Variants in DSC2 observed in about 807,000 individuals in gnomAD.
The protein encoded by DSC2 is desmocollin 2.
DSC2 carries 51 observed loss-of-function variants against 87.6 expected under a neutral mutation model. That is an observed-to-expected ratio of 0.58 (90% CI 0.46 to 0.74). DSC2 has a LOEUF of 0.74. DSC2 is among the 30% of genes least tolerant of loss of function. The pLI is 0.00. For missense variants in DSC2, 1,066 were observed against 1,089.5 expected (o/e 0.98, Z 0.30); for synonymous variants, 383 against 393.2 (o/e 0.97, Z 0.31).
intron 11 of DSC2, among the ~76,000 whole-genome samples, chr18:31,076,800 A>C (rs1987032046): frequency 6.6e-6 from 1 of 152,222 alleles, no homozygotes; most frequent in South Asian, 2.1e-4. Context: ...ACATTGTACT[A>C]ACACTGTAGA....
chr18:31,082,495 T>C lies in DSC2; in HGVS notation c.1078-72A>G, dbSNP rs943033618. ...AAAATTGAACACGATGTGAAGTAAA[T>C]CCTACTCTTCTAATTTCCAAAGTAC... On this transcript the variant is annotated intron_variant, in intron 8 of 15. Coordinates refer to ENST00000280904, the MANE Select transcript of DSC2 (RefSeq NM_024422.6). 157 of 1,330,566 alleles carry C rather than the reference T, an allele frequency of 1.2e-4. 5 individuals carry two copies. In the Admixed American group the frequency reaches 2.7e-3, roughly 23 times the overall value. The allele number at this position is 1,330,566 out of a possible 1,614,324, so 82.4% of individuals were successfully genotyped here. A position where few individuals can be genotyped will look rare whatever the true frequency, so the allele number is the denominator to read the frequency against.
chr18:31,092,305 A>G lies in DSC2; in HGVS notation c.155-5T>C. ...TAAAGCACTCTTTCAGGTTAACTGTAGAAAATATGCACAGCAATCATTTTT... is the reference window on the plus strand; with the variant it reads ...TAAAGCACTCTTTCAGGTTAACTGTGGAAAATATGCACAGCAATCATTTTT... On this transcript the variant is annotated splice_polypyrimidine_tract_variant and splice_region_variant and intron_variant, in intron 2 of 15. Coordinates refer to ENST00000280904, the MANE Select transcript of DSC2 (RefSeq NM_024422.6). 1 of 1,611,240 alleles carries G rather than the reference A, an allele frequency of 6.2e-7. No individual in the cohort carries two copies. The highest frequency in any genetic ancestry group is 8.5e-7 in the Non-Finnish European group (1 of 1,177,540).
intron 1 of DSC2, among the ~76,000 whole-genome samples, chr18:31,097,920 T>G (rs928440834): frequency 1.3e-5 from 2 of 148,952 alleles, no homozygotes; most frequent in Non-Finnish European, 2.9e-5. Flanking sequence ...ATGAGTGAGG[T>G]TGACATATTT....
At chr18:31,083,568 G>T (rs1023692193) in intron 7 of DSC2, among the ~76,000 whole-genome samples, 1 of 152,058 alleles carries the variant, frequency 6.6e-6, no homozygotes, top group African/African-American at 2.4e-5. Context: ...AGACAGCAAT[G>T]ACTCTTAAAA....
At position 31,084,396 on chromosome 18, in the gene DSC2, T is replaced by C. The variant is rs185032488; in HGVS notation, c.943-1336A>G. Among the ~76,000 whole-genome samples the C allele has an allele frequency of 5.1e-3, 780 of 152,260 alleles. 7 individuals carry two copies. The highest frequency in any genetic ancestry group is 0.018 in the African/African-American group (748 of 41,566). On this transcript the variant is annotated intron_variant, in intron 7 of 15. Coordinates refer to ENST00000280904, the MANE Select transcript of DSC2 (RefSeq NM_024422.6). ...TTATTGGAAATAATTAACTGGCTAA[T>C]GAAACAAGGAAATGAAGTTTGATAC...
chr18:31,071,531 T>C, intron 13 of DSC2, 74 bp downstream of exon 13: 2 of 1,431,520 alleles, frequency 1.4e-6, no homozygotes, highest in Non-Finnish European at 2.0e-6. Context: ...GGGCTCTGTC[T>C]CAAAAAACAA....
In DSC2 at chr18:31,062,321, T is replaced by G. The variant is rs1283675824; in HGVS notation, c.*5694A>C. 1 of 152,152 alleles carries G rather than the reference T, an allele frequency of 6.6e-6. No homozygotes were observed. Among genetic ancestry groups the G allele is most frequent in the Admixed American group, 6.6e-5 (1 of 15,262 alleles). 9.4% of individuals were successfully genotyped at this position (152,152 alleles called of 1,614,324 possible). A position where few individuals can be genotyped will look rare whatever the true frequency, so the allele number is the denominator to read the frequency against. Reference sequence around the variant, plus strand: ...ACTAATGGGAATTTTGGCAAACTCATAAGAATCATTTCTTGAATTTCTAAA... The same window carrying G: ...ACTAATGGGAATTTTGGCAAACTCAGAAGAATCATTTCTTGAATTTCTAAA... On this transcript the variant is annotated 3_prime_UTR_variant, in exon 16 of 16. Coordinates refer to ENST00000280904, the MANE Select transcript of DSC2 (RefSeq NM_024422.6).
Position 31,102,007 on chromosome 18 carries a change from G to T in DSC2, c.-36C>A. 1 of 1,471,698 alleles carries T rather than the reference G, an allele frequency of 6.8e-7. No homozygotes were observed. 91.2% of individuals were successfully genotyped at this position (1,471,698 alleles called of 1,614,324 possible). ...CGGGGCAGGTCGCGGGCCGAGCGTC[G>T]GGCCGGGGTAGGAGGGCTCCGCGGG... On this transcript the variant is annotated 5_prime_UTR_variant, in exon 1 of 16. Coordinates refer to ENST00000280904, the MANE Select transcript of DSC2 (RefSeq NM_024422.6).
chr18:31,093,637 T>A lies in DSC2; in HGVS notation c.76A>T (p.Ile26Leu), dbSNP rs1362597154. Residue 26 changes from isoleucine to leucine, a missense_variant, in exon 2 of 16, where the codon ATA (isoleucine) becomes TTA (leucine). Physicochemically the swap from Ile to Leu is conservative, Grantham distance 5 (BLOSUM62 2). Coordinates refer to ENST00000280904, the MANE Select transcript of DSC2 (RefSeq NM_024422.6). ...RLLLLTLAIL[I>L]FASDACKNVT... ...TTTTTGCAGGCATCACTGGCAAATA[T>A]TAAGATCTAAAAAATGAAAAAAAAT... The A allele has an allele frequency of 1.9e-6, 3 of 1,584,802 alleles. No individual in the cohort carries two copies. Among genetic ancestry groups the A allele is most frequent in the Non-Finnish European group, 2.6e-6 (3 of 1,161,896 alleles).
intron 7 of DSC2, among the ~76,000 whole-genome samples, chr18:31,085,685 T>C (rs921198101): frequency 3.3e-5 from 5 of 151,848 alleles, no homozygotes; most frequent in Admixed American, 2.0e-4. Context: ...CCATGAGGGA[T>C]AGAGGAAGGA....
At chr18:31,091,319 T>C (rs1056071972) in intron 3 of DSC2, among the ~76,000 whole-genome samples, 172 bp from the exon 4 acceptor site, 3 of 152,036 alleles carry the variant, frequency 2.0e-5, no homozygotes, top group African/African-American at 7.2e-5. Context: ...AATGAAGAAG[T>C]AACTGTCCTA....
intron 12 of DSC2, among the ~76,000 whole-genome samples, chr18:31,073,161 T>A (rs1986888231): frequency 6.6e-6 from 1 of 152,134 alleles, no homozygotes. Flanking sequence ...AAGTACATCT[T>A]TAAAATAACA....
At chr18:31,079,753 A>C (rs1987140738) in intron 11 of DSC2, 94 bp downstream of exon 11, 2 of 1,430,358 alleles carry the variant, frequency 1.4e-6, no homozygotes, top group Non-Finnish European at 2.0e-6. Flanking sequence ...AACAGAGTGC[A>C]TGTATCCAGC....
At chr18:31,086,251 G>A (rs1397124669) in intron 7 of DSC2, among the ~76,000 whole-genome samples, 1 of 152,144 alleles carries the variant, frequency 6.6e-6, no homozygotes, top group Non-Finnish European at 1.5e-5. Flanking sequence ...GAGGTAGAAT[G>A]TAGATGAGAT....
At chr18:31,089,300 T>A (rs1987510295) in intron 5 of DSC2, 139 bp downstream of exon 5, 6 of 833,654 alleles carry the variant, frequency 7.2e-6, no homozygotes, top group Non-Finnish European at 1.2e-5. Context: ...TTGTTTCAAG[T>A]CAATTATGTG....
At position 31,065,547 on chromosome 18, in the gene DSC2, C is replaced by T. The variant is rs540231601; in HGVS notation, c.*2468G>A. 2.6e-5 allele frequency: 4 copies of T among 152,176 alleles called. No individual in the cohort carries two copies. The highest frequency in any genetic ancestry group is 5.9e-5 in the Non-Finnish European group (4 of 68,028). 9.4% of individuals were successfully genotyped at this position (152,176 alleles called of 1,614,324 possible). Reference sequence around the variant, plus strand: ...TAGAGCCGGAATTTGCATCAAGACACTCTTACTTGGAAGTCTTAGCACTTG... The same window carrying T: ...TAGAGCCGGAATTTGCATCAAGACATTCTTACTTGGAAGTCTTAGCACTTG... On this transcript the variant is annotated 3_prime_UTR_variant, in exon 16 of 16. Transcript: ENST00000280904.
intron 7 of DSC2, among the ~76,000 whole-genome samples, chr18:31,083,575 A>C (rs936829947): frequency 2.0e-5 from 3 of 152,216 alleles, no homozygotes; most frequent in Non-Finnish European, 4.4e-5. Flanking sequence ...AATGACTCTT[A>C]AAATAGTCTT....
At position 31,082,938 on chromosome 18, in the gene DSC2, A is replaced by G; in HGVS notation, c.1065T>C (p.Phe355=). Residue 355 remains phenylalanine, a synonymous_variant, in exon 8 of 16, where the codon TTT becomes TTC. Coordinates refer to ENST00000280904, the MANE Select transcript of DSC2 (RefSeq NM_024422.6). ...ATCATACACTTACAGAAGTACGAGTAAATGTTGGCAAGTGGTCATTTACAT... is the reference window on the plus strand; with the variant it reads ...ATCATACACTTACAGAAGTACGAGTGAATGTTGGCAAGTGGTCATTTACAT... ...IDDVNDHLPT[F]TRTSYVTSVE... is the part of the protein sequence containing the mutation. The G allele has an allele frequency of 6.2e-7, 1 of 1,613,492 alleles. No homozygotes were observed. Among genetic ancestry groups the G allele is most frequent in the Non-Finnish European group, 8.5e-7 (1 of 1,179,940 alleles).
At position 31,087,662 on chromosome 18, in the gene DSC2, T is replaced by C; in HGVS notation, c.775+7A>G. 6.2e-7 allele frequency: 1 copy of C among 1,610,618 alleles called. No homozygotes were observed. The highest frequency in any genetic ancestry group is 8.5e-7 in the Non-Finnish European group (1 of 1,179,274). ...ATTTGCCATATATTGTTTAAGGAGGTACTCACCCACTCTGCAATTTTCAAA... is the reference window on the plus strand; with the variant it reads ...ATTTGCCATATATTGTTTAAGGAGGCACTCACCCACTCTGCAATTTTCAAA... On this transcript the variant is annotated splice_region_variant and intron_variant, in intron 6 of 15. Coordinates refer to ENST00000280904, the MANE Select transcript of DSC2 (RefSeq NM_024422.6).
Sources: allele counts gnomAD v4.1 joint callset (sites outside exome capture counted in the v4.1 genomes callset), GRCh38; gene constraint gnomAD v4.1.1; transcripts MANE v1.5; gene names NCBI Gene and HGNC (gene_info 2026-07-23, HGNC 2026-07-21).